The following CNOT10 variants were observed in gnomAD, a reference collection of about 807,000 sequenced individuals.
The protein encoded by CNOT10 is CCR4-NOT transcription complex subunit 10, also known as CCR4-NOT transcription complex, subunit 10.
CNOT10 carries 30 observed loss-of-function variants against 94.6 expected under a neutral mutation model. The ratio of observed to expected loss-of-function variants is 0.32; its 90% confidence interval spans 0.24 to 0.43. The LOEUF (loss-of-function observed/expected upper bound fraction) is 0.43, where lower values mean the gene tolerates loss of function less well. Among genes scored for constraint, CNOT10 ranks in the 20% least tolerant of loss-of-function variants. The probability of loss-of-function intolerance (pLI) is 1.00; values close to 1 mark genes in which losing one functional copy is unlikely to be tolerated. For missense variants in CNOT10, 759 were observed against 877.2 expected (o/e 0.87, Z 1.70); for synonymous variants, 289 against 301.6 (o/e 0.96, Z 0.43).
At chr3:32,686,843 C>A (rs575479410) in intron 1 of CNOT10, among the ~76,000 whole-genome samples, 1 of 152,338 alleles carries the variant, frequency 6.6e-6, no homozygotes, top group African/African-American at 2.4e-5. Flanking sequence ...TTCAAATCCT[C>A]AGTCATAAAG....
chr3:32,763,480 G>A (rs546600283), intron 15 of CNOT10, among the ~76,000 whole-genome samples: 209 of 151,884 alleles, frequency 1.4e-3, no homozygotes, highest in Middle Eastern at 6.9e-3. Context: ...GTGAAACCCC[G>A]TCTCTACCAA....
Position 32,708,782 on chromosome 3 carries a change from CAGTT to C in CNOT10, c.393_396del (p.Gly133LysfsTer7), listed in dbSNP as rs1447105601. 6.2e-7 allele frequency: 1 copy of C among 1,612,640 alleles called. No homozygotes were observed. Among genetic ancestry groups the C allele is most frequent in the Non-Finnish European group, 8.5e-7 (1 of 1,179,652 alleles). ...CTGCGGCAGTATACAGAAGCCATAT[CAGTT>C]GGTGAAAAACTTTATCAGTTCATAG... On this transcript the variant is annotated frameshift_variant, in exon 4 of 19. Transcript: ENST00000328834. LOFTEE classifies it high-confidence loss of function.
Position 32,703,728 on chromosome 3 carries a change from C to G in CNOT10, c.23-140C>G, listed in dbSNP as rs150389266. 1,518 of 606,030 alleles carry G rather than the reference C, an allele frequency of 2.5e-3. 5 individuals are homozygous for G. The highest frequency in any genetic ancestry group is 3.9e-3 in the Non-Finnish European group (1,322 of 340,240). The allele number at this position is 606,030 out of a possible 1,614,324, so 37.5% of individuals were successfully genotyped here. A position where few individuals can be genotyped will look rare whatever the true frequency, so the allele number is the denominator to read the frequency against. On this transcript the variant is annotated intron_variant, in intron 1 of 18. Coordinates refer to ENST00000328834, the MANE Select transcript of CNOT10 (RefSeq NM_015442.3). ...AACATTGCTGTTTAAAACTTAAGAA[C>G]TGCTTATTTCTGGAATTTTCCATCT...
chr3:32,741,768 C>CAAAAAAAAAAA (rs529423159), intron 13 of CNOT10, among the ~76,000 whole-genome samples: 48 of 86,528 alleles, frequency 5.5e-4, no homozygotes, highest in African/African-American at 1.7e-3. Context: ...GACTCCGTCT[C>CAAAAAAAAAAA]AAAAAAAAAA....
intron 18 of CNOT10, among the ~76,000 whole-genome samples, chr3:32,772,026 A>G (rs1700929594): frequency 6.6e-6 from 1 of 152,208 alleles, no homozygotes. Context: ...AGCATGAAGT[A>G]GAAAAGAGAC....
intron 5 of CNOT10, chr3:32,715,952 C>T: frequency 3.9e-6 from 1 of 257,180 alleles, no homozygotes; most frequent in Non-Finnish European, 7.3e-6. Context: ...ACTACAGGTA[C>T]ATGGCCACCA....
intron 18 of CNOT10, among the ~76,000 whole-genome samples, chr3:32,770,964 C>T (rs113849265): frequency 0.043 from 6,500 of 152,114 alleles, 251 homozygotes; most frequent in African/African-American, 0.091. Context: ...CTGCCTGCCT[C>T]GGCCTCTTAA....
At chr3:32,685,588 G>A in intron 1 of CNOT10, 106 bp downstream of exon 1, 1 of 1,257,476 alleles carries the variant, frequency 8.0e-7, no homozygotes, top group South Asian at 1.3e-5. Flanking sequence ...AGGGCGACTT[G>A]AATTTGGGCG....
chr3:32,753,115 G>A, intron 13 of CNOT10: 1 of 561,644 alleles, frequency 1.8e-6, no homozygotes, highest in Non-Finnish European at 3.4e-6. Flanking sequence ...ATGCAAAGAA[G>A]TCTCTCGAAT....
intron 18 of CNOT10, among the ~76,000 whole-genome samples, chr3:32,772,459 C>T (rs912625870): frequency 6.6e-6 from 1 of 152,136 alleles, no homozygotes; most frequent in African/African-American, 2.4e-5. Context: ...CTATAGTGTG[C>T]AGTATTGCTC....
At chr3:32,768,960 GAA>G (rs1700779623) in intron 17 of CNOT10, 1 of 152,196 alleles carries the variant, frequency 6.6e-6, no homozygotes, top group Non-Finnish European at 1.5e-5. Context: ...AGCTCTGTTT[GAA>G]AGAAACTTCT....
At position 32,764,364 on chromosome 3, in the gene CNOT10, A is replaced by T. The variant is rs1700578319; in HGVS notation, c.1841-91A>T. ...AAAAAAAAAAAAGAAAAGAAAAGAA[A>T]ATATGCCCTCTACCTTCTGAGCCCG... On this transcript the variant is annotated intron_variant, in intron 15 of 18. Coordinates refer to ENST00000328834, the MANE Select transcript of CNOT10 (RefSeq NM_015442.3). 9.8e-6 allele frequency: 13 copies of T among 1,328,500 alleles called. 1 individual carries two copies. The South Asian group carries it at 1.7e-4, about 18-fold the overall frequency. 82.3% of individuals were successfully genotyped at this position (1,328,500 alleles called of 1,614,324 possible). A position where few individuals can be genotyped will look rare whatever the true frequency, so the allele number is the denominator to read the frequency against.
chr3:32,722,478 G>A (rs1311203882), intron 8 of CNOT10, among the ~76,000 whole-genome samples: 1 of 152,178 alleles, frequency 6.6e-6, no homozygotes, highest in Non-Finnish European at 1.5e-5. Flanking sequence ...ATTTTGCTTA[G>A]GATTTTCTTC....
At chr3:32,772,714 C>A (rs1700968940) in intron 18 of CNOT10, among the ~76,000 whole-genome samples, 1 of 152,080 alleles carries the variant, frequency 6.6e-6, no homozygotes, top group Admixed American at 6.6e-5. Context: ...ACCCAATGTT[C>A]TAAGGCATAA....
At chr3:32,725,759 T>C (rs1184773238) in intron 9 of CNOT10, among the ~76,000 whole-genome samples, 160 bp downstream of exon 9, 1 of 152,248 alleles carries the variant, frequency 6.6e-6, no homozygotes, top group East Asian at 1.9e-4. Flanking sequence ...TAGATATTGC[T>C]ACTTTGAAGA....
intron 4 of CNOT10, among the ~76,000 whole-genome samples, chr3:32,711,522 T>G (rs1270379484): frequency 6.6e-6 from 1 of 152,180 alleles, no homozygotes; most frequent in Non-Finnish European, 1.5e-5. Flanking sequence ...TACAGGGGGC[T>G]GGCTGTATAC....
intron 14 of CNOT10, among the ~76,000 whole-genome samples, chr3:32,762,049 G>A (rs997555344): frequency 1.3e-5 from 2 of 151,368 alleles, no homozygotes; most frequent in African/African-American, 4.9e-5. Flanking sequence ...GGGATTACAG[G>A]CATGAGCCAC....
At chr3:32,722,516 A>G (rs998550624) in intron 8 of CNOT10, among the ~76,000 whole-genome samples, 6 of 152,174 alleles carry the variant, frequency 3.9e-5, no homozygotes, top group East Asian at 3.9e-4. Flanking sequence ...GACATTGTCA[A>G]TCTTTAAAAT....
intron 1 of CNOT10, among the ~76,000 whole-genome samples, chr3:32,689,997 G>C (rs1051899377): frequency 6.6e-6 from 1 of 152,094 alleles, no homozygotes; most frequent in Non-Finnish European, 1.5e-5. Flanking sequence ...ATAGCATAGG[G>C]AGCAAAGGCA....
Sources: allele counts gnomAD v4.1 joint callset (sites outside exome capture counted in the v4.1 genomes callset), GRCh38; gene constraint gnomAD v4.1.1; transcripts MANE v1.5; gene names NCBI Gene and HGNC (gene_info 2026-07-23, HGNC 2026-07-21).